Variants in INSR observed in about 807,000 individuals in gnomAD.
INSR encodes insulin receptor, also known as IR.
A neutral mutation model predicts 142.6 loss-of-function variants in INSR; 67 were observed. That is an observed-to-expected ratio of 0.47 (90% CI 0.39 to 0.58). INSR has a LOEUF of 0.58. Among genes scored for constraint, INSR ranks in the 20% least tolerant of loss-of-function variants. INSR has a pLI of 0.00. For synonymous variants in INSR, 756 were observed against 743.1 expected, an observed-to-expected ratio of 1.02 and a Z score of -0.28; for missense variants, 1,248 against 1,833.2, an observed-to-expected ratio of 0.68 and a Z score of 5.83.
intron 2 of INSR, among the ~76,000 whole-genome samples, chr19:7,203,495 G>T (rs964441291): frequency 6.6e-6 from 1 of 152,160 alleles, no homozygotes; most frequent in African/African-American, 2.4e-5. Flanking sequence ...ATCGATCTCC[G>T]TGGAAGGTCT....
chr19:7,224,472 C>T lies in INSR; in HGVS notation c.653-39835G>A, dbSNP rs938515488. ...CCATTCATGGGCAACTCAAAGGTGT[C>T]GAGACATCAGGGTGTGTGGCCGAGC... On this transcript the variant is annotated intron_variant, in intron 2 of 21. Transcript: ENST00000302850. Among the ~76,000 whole-genome samples the T allele has an allele frequency of 7.2e-5, 11 of 152,180 alleles. No individual in the cohort carries two copies. The South Asian group carries it at 8.3e-4, about 11-fold the overall frequency.
intron 1 of INSR, among the ~76,000 whole-genome samples, chr19:7,286,363 G>C (rs1968344579): frequency 6.6e-6 from 1 of 151,868 alleles, no homozygotes; most frequent in South Asian, 2.1e-4. Context: ...ATGCTTTTGG[G>C]GACAGGGGGA....
intron 1 of INSR, chr19:7,268,511 C>T: frequency 4.1e-6 from 4 of 985,332 alleles, no homozygotes; most frequent in Non-Finnish European, 4.8e-6. Context: ...GCCCCAACGC[C>T]CACCATGGCT....
At chr19:7,158,739 GT>G (rs1227690199) in intron 9 of INSR, among the ~76,000 whole-genome samples, 5 of 152,028 alleles carry the variant, frequency 3.3e-5, no homozygotes, top group Admixed American at 2.6e-4. Context: ...CTTAAACATG[GT>G]TATAATAATA....
At chr19:7,289,558 A>C (rs964766345) in intron 1 of INSR, among the ~76,000 whole-genome samples, 8 of 151,598 alleles carry the variant, frequency 5.3e-5, no homozygotes, top group Non-Finnish European at 8.8e-5. Flanking sequence ...AGGACCCGCC[A>C]CCACACCTGG....
chr19:7,293,677 G>GC (rs1352032089), intron 1 of INSR, 115 bp downstream of exon 1: 13 of 878,012 alleles, frequency 1.5e-5, no homozygotes, highest in Admixed American at 9.5e-5. Context: ...CCTGGCCACC[G>GC]CCCCCCGCCC....
At chr19:7,181,197 C>T (rs544240225) in intron 3 of INSR, among the ~76,000 whole-genome samples, 2 of 152,164 alleles carry the variant, frequency 1.3e-5, no homozygotes, top group African/African-American at 2.4e-5. Flanking sequence ...CCACCCACCT[C>T]GGCCTCCCAA....
chr19:7,120,763 A>G lies in INSR; in HGVS notation c.3530-14T>C. 1 of 1,613,092 alleles carries G rather than the reference A, an allele frequency of 6.2e-7. No individual in the cohort carries two copies. The highest frequency in any genetic ancestry group is 8.5e-7 in the Non-Finnish European group (1 of 1,179,470). ...TCATTCCAAAGTCTGACAACACAAA[A>G]GGTTCACACGCTCTTAACCTTCAGC... On this transcript the variant is annotated splice_polypyrimidine_tract_variant and intron_variant, in intron 19 of 21. Transcript: ENST00000302850.
chr19:7,235,974 T>TTC (rs1976147187), intron 2 of INSR, among the ~76,000 whole-genome samples: 1 of 147,914 alleles, frequency 6.8e-6, no homozygotes, highest in East Asian at 2.0e-4. Context: ...GCCTTTCCTT[T>TTC]TTTTTTTTTT....
intron 2 of INSR, among the ~76,000 whole-genome samples, chr19:7,185,039 A>G (rs915543325): frequency 2.0e-5 from 3 of 152,238 alleles, no homozygotes; most frequent in South Asian, 4.1e-4. Flanking sequence ...AGTAGTATTT[A>G]TAAGTATACA....
chr19:7,154,524 G>C (rs551921319), intron 9 of INSR, among the ~76,000 whole-genome samples: 6 of 150,558 alleles, frequency 4.0e-5, no homozygotes, highest in East Asian at 4.1e-4. Context: ...GGATGGTCTC[G>C]ATCTCCTGAC....
chr19:7,249,991 CA>C (rs146476809), intron 2 of INSR, among the ~76,000 whole-genome samples: 55 of 149,612 alleles, frequency 3.7e-4, no homozygotes, highest in African/African-American at 1.3e-3. Flanking sequence ...GACTCTGTCT[CA>C]AAAAAAAATA....
chr19:7,182,908 CAA>C (rs386388474), intron 3 of INSR, among the ~76,000 whole-genome samples: 4 of 81,266 alleles, frequency 4.9e-5, no homozygotes, highest in Non-Finnish European at 7.0e-5. Context: ...ATACACTGGC[CAA>C]AAAAAAAAAA....
At position 7,131,995 on chromosome 19, in the gene INSR, A is replaced by T. The variant is rs534174574; in HGVS notation, c.2842+163T>A. On this transcript the variant is annotated intron_variant, in intron 14 of 21. Coordinates refer to ENST00000302850, the MANE Select transcript of INSR (RefSeq NM_000208.4). ...AGCAAGCCTCCATCTCAAAAAAAAA[A>T]AAAGTGCAGGATCAAAGAGGGCAAG... Among the ~76,000 whole-genome samples, 31 of 151,998 alleles carry T rather than the reference A, an allele frequency of 2.0e-4. No homozygotes were observed. The South Asian group carries it at 6.4e-3, about 32-fold the overall frequency.
intron 3 of INSR, among the ~76,000 whole-genome samples, chr19:7,175,200 T>C (rs1974109621): frequency 6.6e-6 from 1 of 152,002 alleles, no homozygotes; most frequent in African/African-American, 2.4e-5. Context: ...CAATAGGACA[T>C]ATCGCTTGAT....
At chr19:7,266,916 T>A (rs544747632) in intron 2 of INSR, among the ~76,000 whole-genome samples, 10 of 152,230 alleles carry the variant, frequency 6.6e-5, no homozygotes, top group South Asian at 2.1e-4. Flanking sequence ...ACTATTTTTT[T>A]AAAAAAACCG....
At chr19:7,122,498 G>C in intron 19 of INSR, 116 bp downstream of exon 19, 1 of 1,044,818 alleles carries the variant, frequency 9.6e-7, no homozygotes, top group Non-Finnish European at 1.4e-6. Flanking sequence ...AAAAAAAGAA[G>C]TATCTTGCCC....
At chr19:7,272,810 G>A (rs1465275428) in intron 1 of INSR, among the ~76,000 whole-genome samples, 1 of 152,138 alleles carries the variant, frequency 6.6e-6, no homozygotes, top group Non-Finnish European at 1.5e-5. Flanking sequence ...TCAAACTCCT[G>A]AACTCAAGCA....
chr19:7,200,485 T>C (rs1974922182), intron 2 of INSR, among the ~76,000 whole-genome samples: 1 of 151,378 alleles, frequency 6.6e-6, no homozygotes, highest in Admixed American at 6.6e-5. Context: ...AGCCTAGGAG[T>C]TCAAGACCAG....
Sources: gnomAD v4.1 joint callset for allele counts (sites outside exome capture counted in the v4.1 genomes callset) on GRCh38, gnomAD v4.1.1 for gene constraint, MANE v1.5 for transcripts, NCBI Gene and HGNC (gene_info 2026-07-23, HGNC 2026-07-21) for gene names.